Variants in LRRK1 observed in about 807,000 individuals in gnomAD.
The protein encoded by LRRK1 is leucine rich repeat kinase 1.
Under a neutral mutation model 209.1 loss-of-function variants are expected in LRRK1, and 113 were observed. The observed-to-expected ratio is 0.54, with a 90% confidence interval of 0.46 to 0.63. LRRK1 has a LOEUF of 0.63. Ranked by LOEUF, LRRK1 falls within the 30% of genes least tolerant of loss-of-function variation. The pLI is 0.00. For synonymous variants in LRRK1, 1,144 were observed against 1,099.7 expected (o/e 1.04, Z -0.80); for missense variants, 2,284 against 2,632.2 (o/e 0.87, Z 2.89).
intron 29 of LRRK1, among the ~76,000 whole-genome samples, chr15:101,058,620 G>GGA (rs1052080262): frequency 6.7e-6 from 1 of 149,288 alleles, no homozygotes; most frequent in African/African-American, 2.5e-5. Context: ...GGGGCAACGG[G>GGA]GGGGGGCGTC....
intron 22 of LRRK1, chr15:101,049,404 C>G (rs910458444): frequency 2.4e-5 from 11 of 451,026 alleles, no homozygotes; most frequent in African/African-American, 2.2e-4. Context: ...GGTCAGCTCC[C>G]AGGCTGAGCG....
intron 2 of LRRK1, among the ~76,000 whole-genome samples, chr15:100,957,459 C>T (rs1305043347): frequency 6.6e-6 from 1 of 152,100 alleles, no homozygotes; most frequent in African/African-American, 2.4e-5. Flanking sequence ...ATTTGCTTTA[C>T]TTATTTATGT....
intron 6 of LRRK1, among the ~76,000 whole-genome samples, chr15:100,993,355 T>C (rs1296388837): frequency 6.6e-6 from 1 of 152,218 alleles, no homozygotes; most frequent in Non-Finnish European, 1.5e-5. Context: ...TATAGATATA[T>C]AGAGATGTAC....
chr15:100,973,502 C>T (rs922333252), intron 2 of LRRK1, among the ~76,000 whole-genome samples: 3 of 152,104 alleles, frequency 2.0e-5, no homozygotes, highest in Non-Finnish European at 4.4e-5. Flanking sequence ...TCGGCGAGGT[C>T]GGCCCGGCCG....
intron 10 of LRRK1, among the ~76,000 whole-genome samples, chr15:101,014,022 C>T (rs2141699080): frequency 6.6e-6 from 1 of 152,256 alleles, no homozygotes; most frequent in South Asian, 2.1e-4. Context: ...AATCAGTACT[C>T]TTAAGAATCC....
chr15:101,013,083 T>C (rs2033350111), intron 10 of LRRK1, among the ~76,000 whole-genome samples: 2 of 151,074 alleles, frequency 1.3e-5, no homozygotes, highest in African/African-American at 2.4e-5. Flanking sequence ...CAGAGCCTTG[T>C]CCAGAGCTTC....
At chr15:101,058,627 C>G (rs374436315) in intron 29 of LRRK1, among the ~76,000 whole-genome samples, 698 of 41,434 alleles carry the variant, frequency 0.017, 20 homozygotes, top group Middle Eastern at 0.02. Context: ...CGGGGGGGGG[C>G]GTCTAAACAG....
intron 20 of LRRK1, chr15:101,044,027 G>C (rs2034913726): frequency 6.6e-6 from 1 of 152,150 alleles, no homozygotes; most frequent in Non-Finnish European, 1.5e-5. Flanking sequence ...TACACATCCA[G>C]GAATAGTGGG....
At chr15:101,067,234 C>A (rs1596363988) in intron 33 of LRRK1, 1 of 455,980 alleles carries the variant, frequency 2.2e-6, no homozygotes, top group Admixed American at 2.3e-5. Context: ...GGGTGGGGAC[C>A]CCCAGGATTA....
rs915297454 is a variant in LRRK1 at position 101,073,919 on chromosome 15, T to C, written c.*5071T>C. The C allele has an allele frequency of 4.6e-5, 7 of 152,158 alleles. No individual in the cohort carries two copies. Among genetic ancestry groups the C allele is most frequent in the Non-Finnish European group, 7.3e-5 (5 of 68,038 alleles). 9.4% of individuals were successfully genotyped at this position (152,158 alleles called of 1,614,324 possible). On this transcript the variant is annotated 3_prime_UTR_variant, in exon 34 of 34. Transcript: ENST00000388948. ...GCCTTATTTTCTTCTGCAATGCCGCTTGACCCCAATACAAACTCAACAGTA... is the reference window on the plus strand; with the variant it reads ...GCCTTATTTTCTTCTGCAATGCCGCCTGACCCCAATACAAACTCAACAGTA...
rs147822406 is a variant in LRRK1 at position 100,938,443 on chromosome 15, A to T, written c.97+13714A>T. Among the ~76,000 whole-genome samples, 419 of 152,246 alleles carry T rather than the reference A, an allele frequency of 2.8e-3. 1 individual carries two copies. Among genetic ancestry groups the T allele is most frequent in the Non-Finnish European group, 4.5e-3 (303 of 68,020 alleles). On this transcript the variant is annotated intron_variant, in intron 2 of 33. Coordinates refer to ENST00000388948, the MANE Select transcript of LRRK1 (RefSeq NM_024652.6). Reference sequence around the variant, plus strand: ...TCATTTCTTGGTGTTGGGAACATGCAAAAGCCACTCTTCTAGCTTTTTGAA... The same window carrying T: ...TCATTTCTTGGTGTTGGGAACATGCTAAAGCCACTCTTCTAGCTTTTTGAA...
At chr15:100,958,998 A>G (rs994933576) in intron 2 of LRRK1, among the ~76,000 whole-genome samples, 2 of 152,204 alleles carry the variant, frequency 1.3e-5, no homozygotes, top group Non-Finnish European at 2.9e-5. Flanking sequence ...GAAAGAGTTT[A>G]CATTTTGACC....
At chr15:101,060,688 C>T (rs956255662) in intron 29 of LRRK1, among the ~76,000 whole-genome samples, 8 of 152,244 alleles carry the variant, frequency 5.3e-5, no homozygotes, top group Admixed American at 4.6e-4. Context: ...ACAGCGATGC[C>T]GGGGACAGCC....
At chr15:100,949,211 A>G (rs2042598545) in intron 2 of LRRK1, among the ~76,000 whole-genome samples, 1 of 152,118 alleles carries the variant, frequency 6.6e-6, no homozygotes, top group South Asian at 2.1e-4. Context: ...TGGCAACCTT[A>G]TAGAAATAAA....
In LRRK1 at chr15:100,924,721, C is replaced by A; in HGVS notation, c.89C>A (p.Thr30Lys). The A allele has an allele frequency of 6.2e-7, 1 of 1,613,738 alleles. No homozygotes were observed. The highest frequency in any genetic ancestry group is 8.5e-7 in the Non-Finnish European group (1 of 1,179,682). Residue 30 changes from threonine to lysine, a missense_variant, in exon 2 of 34, where the codon ACG becomes AAG. Thr to Lys is a moderately conservative substitution (Grantham distance 78, BLOSUM62 -1). This residue lies in a region of LRRK1 where 174 missense variants were observed against 133.5 expected (regional missense o/e 1.30). Coordinates refer to ENST00000388948, the MANE Select transcript of LRRK1 (RefSeq NM_024652.6). ...GTGTGTCCAGAACGTGCCATGGAGA[C>A]GCTTAACGGTAAGGACAGGGCTGTG... The part of the protein sequence containing the change: ...SAVCPERAME[T>K]LNGAGDTGGK...
At chr15:101,042,458 C>T (rs1454463299) in intron 20 of LRRK1, among the ~76,000 whole-genome samples, 1 of 152,144 alleles carries the variant, frequency 6.6e-6, no homozygotes, top group Non-Finnish European at 1.5e-5. Flanking sequence ...TGCCCAGCCA[C>T]CTGCTCTGCT....
chr15:101,061,565 G>T (rs1036413091), intron 30 of LRRK1, among the ~76,000 whole-genome samples: 1 of 152,228 alleles, frequency 6.6e-6, no homozygotes, highest in Non-Finnish European at 1.5e-5. Context: ...ACGAGACCCA[G>T]GAGGCTAGGG....
intron 6 of LRRK1, among the ~76,000 whole-genome samples, chr15:101,003,648 A>G (rs1294376638): frequency 3.3e-5 from 5 of 152,162 alleles, no homozygotes; most frequent in African/African-American, 1.2e-4. Context: ...CTTGTTCACT[A>G]TCATGAGAAC....
At position 101,074,575 on chromosome 15, in the gene LRRK1, C is replaced by T. The variant is rs960666125; in HGVS notation, c.*5727C>T. Reference sequence around the variant, plus strand: ...TTATTCTCAATATATATTTTATCACCCAATCTGCTCCCTACATTAAATAAA... The same window carrying T: ...TTATTCTCAATATATATTTTATCACTCAATCTGCTCCCTACATTAAATAAA... On this transcript the variant is annotated 3_prime_UTR_variant, in exon 34 of 34. Coordinates refer to ENST00000388948, the MANE Select transcript of LRRK1 (RefSeq NM_024652.6). 7.9e-5 allele frequency: 12 copies of T among 152,134 alleles called. No individual in the cohort carries two copies. Among genetic ancestry groups the T allele is most frequent in the Non-Finnish European group, 1.2e-4 (8 of 68,040 alleles). The allele number at this position is 152,134 out of a possible 1,614,324, so 9.4% of individuals were successfully genotyped here. A position where few individuals can be genotyped will look rare whatever the true frequency, so the allele number is the denominator to read the frequency against.
Sources: gnomAD v4.1 joint callset for allele counts (sites outside exome capture counted in the v4.1 genomes callset) on GRCh38, gnomAD v4.1.1 for gene constraint, gnomAD v4.1.1 regional missense constraint, MANE v1.5 for transcripts, NCBI Gene and HGNC (gene_info 2026-07-23, HGNC 2026-07-21) for gene names.